ARK2C: variants seen among roughly 807,000 people sequenced by gnomAD.
ARK2C encodes the protein E3 ubiquitin-protein ligase ARK2C.
the ARK2C span, among the ~76,000 whole-genome samples, chr18:46,361,522 G>T: frequency 2.6e-5 from 4 of 152,122 alleles, no homozygotes; most frequent in Non-Finnish European, 4.4e-5. Flanking sequence ...CCCTGTGCCC[G>T]GCCACACGGT....
chr18:46,448,195 C>T, the ARK2C span, among the ~76,000 whole-genome samples: 1 of 151,016 alleles, frequency 6.6e-6, no homozygotes, highest in Non-Finnish European at 1.5e-5. Context: ...TATCCTGGCT[C>T]CCCTGTGCCC....
the ARK2C span, among the ~76,000 whole-genome samples, chr18:46,372,977 C>T: frequency 2.0e-5 from 3 of 152,236 alleles, no homozygotes; most frequent in South Asian, 6.2e-4. Flanking sequence ...GGGAGGGGGA[C>T]CCTCCTGCTG....
chr18:46,432,447 A>G, the ARK2C span, among the ~76,000 whole-genome samples: 18,179 of 152,150 alleles, frequency 0.12, 1,195 homozygotes, highest in African/African-American at 0.17. Context: ...TCTGGGAATT[A>G]GGGCTCCATA....
the ARK2C span, among the ~76,000 whole-genome samples, chr18:46,415,503 G>C: frequency 6.6e-6 from 1 of 151,838 alleles, no homozygotes; most frequent in Non-Finnish European, 1.5e-5. Context: ...TCCAGCCTGG[G>C]CGACAGAACA....
chr18:46,409,147 A>G, the ARK2C span, among the ~76,000 whole-genome samples: 3 of 152,236 alleles, frequency 2.0e-5, no homozygotes, highest in Admixed American at 2.0e-4. Context: ...AGCCATTATT[A>G]CAACTGCAGG....
the ARK2C span, among the ~76,000 whole-genome samples, chr18:46,364,196 C>G: frequency 1.3e-5 from 2 of 151,906 alleles, no homozygotes; most frequent in Non-Finnish European, 2.9e-5. Context: ...GATCTGCAAG[C>G]CTCAGCCTCC....
At chr18:46,423,567 G>A in the ARK2C span, among the ~76,000 whole-genome samples, 21 of 152,312 alleles carry the variant, frequency 1.4e-4, no homozygotes, top group South Asian at 2.1e-4. Flanking sequence ...GGCATACCAC[G>A]TGGAGACGTG....
At chr18:46,460,695 C>T in the ARK2C span, 6 of 152,426 alleles carry the variant, frequency 3.9e-5, no homozygotes, top group African/African-American at 1.2e-4. Flanking sequence ...AACTTTATTT[C>T]GTCCGAACTA....
the ARK2C span, among the ~76,000 whole-genome samples, chr18:46,366,067 C>T: frequency 2.6e-3 from 389 of 151,870 alleles, 5 homozygotes; most frequent in South Asian, 0.011. Context: ...CCAAGGAGGG[C>T]GGATCACCTG....
chr18:46,394,500 C>T, the ARK2C span, among the ~76,000 whole-genome samples: 1 of 152,178 alleles, frequency 6.6e-6, no homozygotes. Flanking sequence ...AGTCTCCATC[C>T]TCCACCTTCC....
At chr18:46,416,617 T>C in the ARK2C span, among the ~76,000 whole-genome samples, 2 of 152,254 alleles carry the variant, frequency 1.3e-5, no homozygotes, top group African/African-American at 4.8e-5. Flanking sequence ...CAACCTTTTA[T>C]GCAGCTCACA....
chr18:46,344,884 C>T, the ARK2C span, among the ~76,000 whole-genome samples: 2 of 152,244 alleles, frequency 1.3e-5, no homozygotes, highest in Non-Finnish European at 2.9e-5. Flanking sequence ...TCTGTCAGCA[C>T]TCTCCAGAGT....
chr18:46,422,284 T>G, the ARK2C span, among the ~76,000 whole-genome samples: 1 of 152,236 alleles, frequency 6.6e-6, no homozygotes, highest in African/African-American at 2.4e-5. Flanking sequence ...TTTTCCTGTA[T>G]CACTTTCCCA....
At chr18:46,435,547 C>G in the ARK2C span, 3 of 650,200 alleles carry the variant, frequency 4.6e-6, no homozygotes, top group South Asian at 5.4e-5. Context: ...TCCCAGCCAC[C>G]CTCTGGGCCA....
the ARK2C span, among the ~76,000 whole-genome samples, chr18:46,402,453 G>A: frequency 6.6e-6 from 1 of 152,168 alleles, no homozygotes; most frequent in Non-Finnish European, 1.5e-5. Flanking sequence ...CATGGAACAT[G>A]CTTATACTAA....
the ARK2C span, among the ~76,000 whole-genome samples, chr18:46,425,518 T>G: frequency 6.6e-6 from 1 of 151,936 alleles, no homozygotes; most frequent in African/African-American, 2.4e-5. Flanking sequence ...AGCCCTGGAG[T>G]CTTGAGGATG....
chr18:46,456,389 G>C, the ARK2C span: 3 of 721,544 alleles, frequency 4.2e-6, no homozygotes, highest in Admixed American at 2.3e-5. Context: ...GAGGCTTCAT[G>C]GTTTCCCATC....
the ARK2C span, among the ~76,000 whole-genome samples, chr18:46,343,480 G>A: frequency 4.6e-5 from 7 of 152,200 alleles, no homozygotes; most frequent in African/African-American, 1.4e-4. Flanking sequence ...AGCCAAAGGC[G>A]ACAGTGAAGA....
chr18:46,443,081 C>T, the ARK2C span, among the ~76,000 whole-genome samples: 1 of 152,152 alleles, frequency 6.6e-6, no homozygotes, highest in African/African-American at 2.4e-5. Context: ...TTGCAGTTGA[C>T]AATCTCTGTC....
Sources: allele counts gnomAD v4.1 joint callset (sites outside exome capture counted in the v4.1 genomes callset), GRCh38; gene constraint gnomAD v4.1.1; transcripts MANE v1.5; gene names NCBI Gene and HGNC (gene_info 2026-07-23, HGNC 2026-07-21).